The following SV2C variants were observed in gnomAD, a reference collection of about 807,000 sequenced individuals.
SV2C encodes solute carrier family 22 member B3.
In SV2C, 49 loss-of-function variants were observed where a neutral mutation model predicts 79.7. The ratio of observed to expected loss-of-function variants is 0.61; its 90% CI spans 0.49 to 0.78. The LOEUF is 0.78. Ranked by LOEUF, SV2C falls within the 30% of genes least tolerant of loss-of-function variation. The pLI is 0.00. For missense variants in SV2C, 833 were observed against 912.9 expected, an observed-to-expected ratio of 0.91 and a Z score of 1.13; for synonymous variants, 334 against 333.2, an observed-to-expected ratio of 1.00 and a Z score of -0.03.
the SV2C span, among the ~76,000 whole-genome samples, chr5:75,946,216 A>T: frequency 6.6e-6 from 1 of 152,118 alleles, no homozygotes; most frequent in Non-Finnish European, 1.5e-5. Flanking sequence ...AGGAAATACC[A>T]CTACAGAACC....
At position 76,298,923 on chromosome 5, in the gene SV2C, C is replaced by T. The variant is rs369781663; in HGVS notation, c.1632C>T (p.Asn544=). 3.3e-5 allele frequency: 53 copies of T among 1,613,388 alleles called. No individual in the cohort carries two copies. Among genetic ancestry groups the T allele is most frequent in the Non-Finnish European group, 4.3e-5 (51 of 1,179,744 alleles). ...NCTFIDTVFD[N]TDFEPYKFID... is the part of the protein sequence containing the mutation. ...CATTTATTGACACTGTTTTTGACAA[C>T]ACAGGTAGGTGTGCTACTTAGTACT... Residue 544 remains asparagine (N), a synonymous_variant, in exon 10 of 13, where the codon AAC becomes AAT. Transcript: ENST00000502798.
chr5:76,300,418 G>A (rs1018940325), intron 10 of SV2C, among the ~76,000 whole-genome samples: 1 of 152,094 alleles, frequency 6.6e-6, no homozygotes, highest in African/African-American at 2.4e-5. Flanking sequence ...TAGTAATATT[G>A]TAAAGGAGTA....
intron 2 of SV2C, among the ~76,000 whole-genome samples, chr5:76,180,996 C>T (rs1422130837): frequency 2.0e-5 from 3 of 152,146 alleles, no homozygotes; most frequent in Non-Finnish European, 2.9e-5. Context: ...AATCACATTT[C>T]GCAAGGCTCT....
chr5:76,081,759 G>A (rs1390474377), upstream of SV2C, among the ~76,000 whole-genome samples: 1 of 152,162 alleles, frequency 6.6e-6, no homozygotes, highest in Non-Finnish European at 1.5e-5. Context: ...GAGGGAAAAT[G>A]AGAGGCCAAG....
intron 2 of SV2C, among the ~76,000 whole-genome samples, chr5:76,141,238 A>G (rs1419593149): frequency 6.6e-6 from 1 of 152,180 alleles, no homozygotes; most frequent in African/African-American, 2.4e-5. Flanking sequence ...GCATTCTAAG[A>G]CGGTGAGAAT....
intron 4 of SV2C, among the ~76,000 whole-genome samples, chr5:76,247,576 C>T (rs1364086280): frequency 1.3e-5 from 2 of 152,162 alleles, no homozygotes; most frequent in African/African-American, 2.4e-5. Flanking sequence ...GCTGGTAATG[C>T]CTGTTCTTTC....
At chr5:75,907,183 G>T in the SV2C span, among the ~76,000 whole-genome samples, 2 of 152,204 alleles carry the variant, frequency 1.3e-5, no homozygotes, top group African/African-American at 4.8e-5. Context: ...ATGATGGGTG[G>T]TCTCCAAAGG....
At chr5:76,073,493 GTA>G in the SV2C span, among the ~76,000 whole-genome samples, 2 of 99,556 alleles carry the variant, frequency 2.0e-5, no homozygotes, top group African/African-American at 4.3e-5. Context: ...AATGTGGTAT[GTA>G]TGTGTGTGTA....
chr5:75,908,449 C>T, the SV2C span, among the ~76,000 whole-genome samples: 7 of 152,160 alleles, frequency 4.6e-5, no homozygotes, highest in East Asian at 1.9e-4. Context: ...CCAAATTTTG[C>T]TCATCCATTC....
chr5:75,853,205 T>C, the SV2C span, among the ~76,000 whole-genome samples: 1 of 152,216 alleles, frequency 6.6e-6, no homozygotes, highest in South Asian at 2.1e-4. Flanking sequence ...AGGGGCATAA[T>C]ACCGAATACT....
At chr5:76,236,199 T>A (rs1240353600) in intron 4 of SV2C, among the ~76,000 whole-genome samples, 1 of 152,176 alleles carries the variant, frequency 6.6e-6, no homozygotes, top group Non-Finnish European at 1.5e-5. Flanking sequence ...TAAAAGTTAG[T>A]TCATAGCTTC....
At chr5:76,189,991 AT>A (rs769779389) in intron 2 of SV2C, among the ~76,000 whole-genome samples, 7 of 152,200 alleles carry the variant, frequency 4.6e-5, no homozygotes, top group Non-Finnish European at 8.8e-5. Context: ...CAGAACTGGC[AT>A]AAAAAAGTTG....
At chr5:76,161,968 C>A (rs1424002793) in intron 2 of SV2C, among the ~76,000 whole-genome samples, 1 of 152,080 alleles carries the variant, frequency 6.6e-6, no homozygotes, top group Non-Finnish European at 1.5e-5. Context: ...TGAAATTAAA[C>A]CTGTTCCTCA....
the SV2C span, among the ~76,000 whole-genome samples, chr5:75,999,168 T>C: frequency 6.6e-6 from 1 of 152,098 alleles, no homozygotes; most frequent in Non-Finnish European, 1.5e-5. Context: ...GCCCCCATGA[T>C]TCAATTACCT....
the SV2C span, among the ~76,000 whole-genome samples, chr5:76,043,272 A>G: frequency 1.3e-5 from 2 of 151,990 alleles, no homozygotes; most frequent in Non-Finnish European, 2.9e-5. Context: ...GTCTCCTCCC[A>G]TCTAGTACCA....
At chr5:76,187,285 T>C (rs1301446226) in intron 2 of SV2C, among the ~76,000 whole-genome samples, 1 of 152,238 alleles carries the variant, frequency 6.6e-6, no homozygotes, top group African/African-American at 2.4e-5. Context: ...ATTAGGCCTC[T>C]TCTTCTACAG....
chr5:76,120,631 C>T (rs1748457979), intron 1 of SV2C, among the ~76,000 whole-genome samples: 2 of 147,166 alleles, frequency 1.4e-5, no homozygotes, highest in South Asian at 2.1e-4. Context: ...GGTTTTTTGT[C>T]CTTGTGATAG....
In SV2C at chr5:76,132,140, C is replaced by T. The variant is rs756166288; in HGVS notation, c.390C>T (p.Asp130=). 1.1e-5 allele frequency: 17 copies of T among 1,613,914 alleles called. No individual in the cohort carries two copies. Among genetic ancestry groups the T allele is most frequent in the Admixed American group, 6.7e-5 (4 of 59,990 alleles). The change falls in exon 2 of 13, where the codon GAC becomes GAT. Residue 130 remains aspartate (D), a synonymous_variant. Coordinates refer to ENST00000502798, the MANE Select transcript of SV2C (RefSeq NM_014979.4). Reference sequence around the variant, plus strand: ...AGCTGGAATCAGAAAGGAGAGCTGACGAGGAAGAGTTAGCCCAGCAGTATG... The same window carrying T: ...AGCTGGAATCAGAAAGGAGAGCTGATGAGGAAGAGTTAGCCCAGCAGTATG... ...RRELESERRA[D]EEELAQQYEL...
chr5:76,263,891 C>A (rs534012605), intron 4 of SV2C, among the ~76,000 whole-genome samples: 1 of 152,226 alleles, frequency 6.6e-6, no homozygotes, highest in East Asian at 1.9e-4. Flanking sequence ...GAGAGTCTGA[C>A]AATTTTGTGT....
Sources: gnomAD v4.1 joint callset for allele counts (sites outside exome capture counted in the v4.1 genomes callset) on GRCh38, gnomAD v4.1.1 for gene constraint, MANE v1.5 for transcripts, NCBI Gene and HGNC (gene_info 2026-07-23, HGNC 2026-07-21) for gene names.